FIRRM: variants seen among roughly 807,000 people sequenced by gnomAD.
FIRRM encodes FIGNL1 interacting regulator of recombination and mitosis.
chr1:169,832,356 T>C, the FIRRM span: 1 of 1,168,306 alleles, frequency 8.6e-7, no homozygotes, highest in Non-Finnish European at 1.3e-6. Context: ...TATTCTCTTC[T>C]TGTAAAAATT....
At chr1:169,853,028 C>A in the FIRRM span, 1 of 1,581,670 alleles carries the variant, frequency 6.3e-7, no homozygotes, top group Non-Finnish European at 8.7e-7. Context: ...GCTTTGTCAA[C>A]TGAAAATACT....
chr1:169,808,063 C>G, the FIRRM span: 2 of 857,042 alleles, frequency 2.3e-6, no homozygotes, highest in Non-Finnish European at 1.8e-6. Context: ...TTTTTTTGAT[C>G]TGTGGGATTA....
the FIRRM span, chr1:169,843,919 C>CT: frequency 1.6e-6 from 1 of 610,276 alleles, no homozygotes; most frequent in Non-Finnish European, 2.9e-6. Context: ...TCTCATTTCT[C>CT]TTTCTTCCTT....
the FIRRM span, among the ~76,000 whole-genome samples, chr1:169,840,428 A>T: frequency 2.0e-5 from 3 of 151,448 alleles, no homozygotes; most frequent in South Asian, 4.1e-4. Context: ...CTCCTTGTAG[A>T]GATCTTTCAC....
the FIRRM span, among the ~76,000 whole-genome samples, chr1:169,807,392 A>G: frequency 6.6e-6 from 1 of 152,286 alleles, no homozygotes; most frequent in African/African-American, 2.4e-5. Flanking sequence ...AGGTCTCTCT[A>G]TTGTAGCACC....
At chr1:169,800,197 C>A in the FIRRM span, among the ~76,000 whole-genome samples, 21 of 152,202 alleles carry the variant, frequency 1.4e-4, no homozygotes, top group Non-Finnish European at 1.9e-4. Context: ...CCATGCGTGG[C>A]TAATTTTCTA....
At chr1:169,852,527 T>A in the FIRRM span, 1 of 470,598 alleles carries the variant, frequency 2.1e-6, no homozygotes, top group Admixed American at 3.7e-5. Context: ...GCACTTCTCA[T>A]TGGGAGCCCT....
At chr1:169,803,076 C>T in the FIRRM span, 5 of 1,102,534 alleles carry the variant, frequency 4.5e-6, no homozygotes, top group African/African-American at 1.6e-5. Flanking sequence ...GTGTTTTGTT[C>T]ATTGCTGTAT....
At chr1:169,850,219 G>C in the FIRRM span, 1 of 1,292,548 alleles carries the variant, frequency 7.7e-7, no homozygotes, top group Non-Finnish European at 1.1e-6. Flanking sequence ...GTCTTTGCAA[G>C]TTGTTGAAAT....
chr1:169,796,999 G>T, the FIRRM span, among the ~76,000 whole-genome samples: 2 of 152,160 alleles, frequency 1.3e-5, no homozygotes, highest in Non-Finnish European at 2.9e-5. Flanking sequence ...TTTCTAAAAA[G>T]CACATTACCA....
At chr1:169,804,379 T>A in the FIRRM span, 1 of 761,502 alleles carries the variant, frequency 1.3e-6, no homozygotes, top group Non-Finnish European at 1.8e-6. Context: ...AAATTTTTAA[T>A]CTTGAAATTT....
the FIRRM span, among the ~76,000 whole-genome samples, chr1:169,790,388 G>A: frequency 6.6e-6 from 1 of 152,234 alleles, no homozygotes; most frequent in East Asian, 1.9e-4. Flanking sequence ...GTTTCTCCAT[G>A]TTGGTCAGGG....
At chr1:169,807,955 A>C in the FIRRM span, 1 of 1,591,720 alleles carries the variant, frequency 6.3e-7, no homozygotes. Flanking sequence ...ATAGCATTTT[A>C]AACAGCAACT....
the FIRRM span, among the ~76,000 whole-genome samples, chr1:169,784,505 T>C: frequency 1.3e-3 from 204 of 152,352 alleles, 1 homozygote; most frequent in Admixed American, 2.0e-3. Flanking sequence ...TTCTCTATCA[T>C]TCTTCATCTC....
the FIRRM span, chr1:169,793,795 TG>T: frequency 8.7e-7 from 1 of 1,145,082 alleles, no homozygotes; most frequent in Non-Finnish European, 1.2e-6. Flanking sequence ...CAATTAGTTT[TG>T]TTGGGCCCAA....
chr1:169,853,484 A>AAAGG, the FIRRM span: 1 of 491,430 alleles, frequency 2.0e-6, no homozygotes, highest in Non-Finnish European at 3.6e-6. Context: ...TCAAATGCAC[A>AAAGG]AAGGCTCTTC....
chr1:169,825,611 T>G, the FIRRM span, among the ~76,000 whole-genome samples: 3 of 152,230 alleles, frequency 2.0e-5, no homozygotes, highest in Non-Finnish European at 4.4e-5. Context: ...ATTTCATTAC[T>G]ATGTTTTATT....
chr1:169,821,565 AAG>A, the FIRRM span: 2 of 663,218 alleles, frequency 3.0e-6, no homozygotes, highest in Admixed American at 3.4e-5. Flanking sequence ...TACTGTGTTT[AAG>A]AGGGGTTTTT....
chr1:169,807,937 T>C, the FIRRM span: 27 of 1,599,424 alleles, frequency 1.7e-5, no homozygotes, highest in Non-Finnish European at 2.2e-5. Flanking sequence ...CAGGTAAAAT[T>C]TGGGCTAATA....
Sources: allele counts gnomAD v4.1 joint callset (sites outside exome capture counted in the v4.1 genomes callset), GRCh38; gene constraint gnomAD v4.1.1; transcripts MANE v1.5; gene names NCBI Gene and HGNC (gene_info 2026-07-23, HGNC 2026-07-21).